Variants in SENP2 observed in about 807,000 individuals in gnomAD.
SENP2 encodes the protein SUMO specific peptidase 2, also known as sentrin-specific protease 2.
Under a neutral mutation model 86.3 loss-of-function variants are expected in SENP2, and 16 were observed. That is an observed-to-expected ratio of 0.19 (90% confidence interval 0.13 to 0.28). The LOEUF (loss-of-function observed/expected upper bound fraction) is 0.28. Ranked by LOEUF, SENP2 falls within the 10% of genes least tolerant of loss-of-function variation. SENP2 has a pLI of 1.00. For synonymous variants in SENP2, 222 were observed against 238.7 expected (o/e 0.93, Z 0.64); for missense variants, 552 against 703.0 (o/e 0.79, Z 2.43).
chr3:185,630,017 A>G lies in SENP2; in HGVS notation c.*173A>G, dbSNP rs889094101. The G allele has an allele frequency of 6.4e-6, 4 of 622,570 alleles. No homozygotes were observed. Among genetic ancestry groups the G allele is most frequent in the Non-Finnish European group, 8.6e-6 (3 of 347,962 alleles). 38.6% of individuals were successfully genotyped at this position (622,570 alleles called of 1,614,324 possible). A position where few individuals can be genotyped will look rare whatever the true frequency, so the allele number is the denominator to read the frequency against. On this transcript the variant is annotated 3_prime_UTR_variant, in exon 17 of 17. Transcript: ENST00000296257. ...ACTCTAGTCCTGACTTGGGGTGCAGAGGGCTGCTTGCAATCCTGTTTGTAA... is the reference window on the plus strand; with the variant it reads ...ACTCTAGTCCTGACTTGGGGTGCAGGGGGCTGCTTGCAATCCTGTTTGTAA...
chr3:185,627,083 C>CAAAA (rs34406883), intron 16 of SENP2, among the ~76,000 whole-genome samples: 68 of 75,418 alleles, frequency 9.0e-4, no homozygotes, highest in African/African-American at 1.0e-3. Context: ...AACCCTGTCT[C>CAAAA]AAAAAAAAAA....
At chr3:185,590,225 T>C in intron 2 of SENP2, 56 bp downstream of exon 2, 1 of 904,568 alleles carries the variant, frequency 1.1e-6, no homozygotes, top group Non-Finnish European at 1.7e-6. Flanking sequence ...AATATATGCA[T>C]GGAACAAAAT....
chr3:185,617,669 T>C (rs1225643467), intron 12 of SENP2, 58 bp downstream of exon 12: 9 of 1,505,604 alleles, frequency 6.0e-6, no homozygotes, highest in Non-Finnish European at 8.2e-6. Flanking sequence ...TTATTATCTA[T>C]AATCAAAGTG....
At chr3:185,612,868 C>T (rs1386617295) in intron 9 of SENP2, among the ~76,000 whole-genome samples, 5 of 152,148 alleles carry the variant, frequency 3.3e-5, no homozygotes, top group South Asian at 2.1e-4. Flanking sequence ...ATCTCCCAGG[C>T]GTCAGGGGTT....
At chr3:185,614,505 T>C in intron 10 of SENP2, 59 bp from the exon 11 acceptor site, 1 of 1,446,150 alleles carries the variant, frequency 6.9e-7, no homozygotes, top group Non-Finnish European at 9.4e-7. Flanking sequence ...ATGTGTAATC[T>C]GTGTTTATAT....
intron 7 of SENP2, among the ~76,000 whole-genome samples, chr3:185,609,651 T>A (rs1357813934): frequency 4.6e-5 from 7 of 152,098 alleles, no homozygotes; most frequent in Admixed American, 4.6e-4. Context: ...TTCTTCAACC[T>A]CCCCAGCATA....
At chr3:185,606,158 C>G (rs772769209) in intron 5 of SENP2, among the ~76,000 whole-genome samples, 172 bp from the exon 6 acceptor site, 1 of 152,060 alleles carries the variant, frequency 6.6e-6, no homozygotes, top group Admixed American at 6.5e-5. Flanking sequence ...TGGAATGCTG[C>G]GGTGCCCTGT....
intron 13 of SENP2, among the ~76,000 whole-genome samples, chr3:185,619,837 C>G (rs2148993297): frequency 6.6e-6 from 1 of 152,174 alleles, no homozygotes; most frequent in Non-Finnish European, 1.5e-5. Flanking sequence ...AGGTGATCCT[C>G]CTGCCTCAGC....
intron 7 of SENP2, among the ~76,000 whole-genome samples, chr3:185,610,416 C>T (rs1346357668): frequency 6.6e-6 from 1 of 152,154 alleles, no homozygotes; most frequent in Non-Finnish European, 1.5e-5. Flanking sequence ...CCAGCCTCAG[C>T]CTCCCAGAGT....
At chr3:185,592,941 A>G (rs1193146514) in intron 2 of SENP2, among the ~76,000 whole-genome samples, 1 of 152,146 alleles carries the variant, frequency 6.6e-6, no homozygotes, top group African/African-American at 2.4e-5. Flanking sequence ...TAAGGACCTT[A>G]TATGATAATA....
At chr3:185,617,353 G>C in intron 11 of SENP2, 127 bp from the exon 12 acceptor site, 1 of 637,874 alleles carries the variant, frequency 1.6e-6, no homozygotes, top group Non-Finnish European at 2.6e-6. Context: ...GTAGGTCTTT[G>C]ATAGTATATT....
chr3:185,618,036 C>T (rs866735246), intron 12 of SENP2, among the ~76,000 whole-genome samples: 11 of 152,284 alleles, frequency 7.2e-5, no homozygotes, highest in South Asian at 2.1e-4. Context: ...CCTCCACCTC[C>T]TGGGTTCAAG....
At chr3:185,624,229 G>C in intron 15 of SENP2, 147 bp downstream of exon 15, 1 of 576,546 alleles carries the variant, frequency 1.7e-6, no homozygotes, top group South Asian at 2.5e-5. Context: ...TTTTTGTAGA[G>C]ATGGGATCTT....
intron 6 of SENP2, chr3:185,606,797 T>C: frequency 1.9e-6 from 1 of 525,382 alleles, no homozygotes; most frequent in Non-Finnish European, 3.7e-6. Flanking sequence ...TGTGACAGGA[T>C]CAAGCATGTT....
At chr3:185,626,996 T>A (rs1712176204) in intron 16 of SENP2, among the ~76,000 whole-genome samples, 1 of 150,466 alleles carries the variant, frequency 6.6e-6, no homozygotes, top group Non-Finnish European at 1.5e-5. Context: ...GGAGAATTGC[T>A]TGAACCCGGG....
intron 5 of SENP2, among the ~76,000 whole-genome samples, chr3:185,602,308 G>C (rs527647864): frequency 1.3e-4 from 20 of 152,270 alleles, no homozygotes; most frequent in Non-Finnish European, 2.4e-4. Flanking sequence ...AGGAAAGAAA[G>C]TATAAAGTGA....
intron 16 of SENP2, among the ~76,000 whole-genome samples, chr3:185,629,385 T>C (rs1712308188): frequency 6.6e-6 from 1 of 152,160 alleles, no homozygotes; most frequent in Admixed American, 6.6e-5. Flanking sequence ...AAGACCAGCC[T>C]GGCCAACATG....
intron 2 of SENP2, among the ~76,000 whole-genome samples, chr3:185,592,011 C>CTTTTTCTTTT (rs1722018832): frequency 1.5e-5 from 1 of 65,804 alleles, no homozygotes; most frequent in Non-Finnish European, 2.7e-5. Flanking sequence ...GGTAATATTT[C>CTTTTTCTTTT]TTTTTTTTTT....
chr3:185,596,121 A>G (rs1722164921), intron 2 of SENP2, among the ~76,000 whole-genome samples: 1 of 151,968 alleles, frequency 6.6e-6, no homozygotes, highest in Admixed American at 6.6e-5. Flanking sequence ...GTGTGCCATG[A>G]CGCCCAGCTA....
Sources: gnomAD v4.1 joint callset for allele counts (sites outside exome capture counted in the v4.1 genomes callset) on GRCh38, gnomAD v4.1.1 for gene constraint, MANE v1.5 for transcripts, NCBI Gene and HGNC (gene_info 2026-07-23, HGNC 2026-07-21) for gene names.